The following MEMO1 variants were observed in gnomAD, a reference collection of about 807,000 sequenced individuals.
The protein encoded by MEMO1 is protein MEMO1.
Under a neutral mutation model 45.2 loss-of-function variants are expected in MEMO1, and 6 were observed. That is an observed-to-expected ratio of 0.13 (90% CI 0.07 to 0.26). The LOEUF is 0.26. Among genes scored for constraint, MEMO1 ranks in the 10% least tolerant of loss-of-function variants. The pLI, the probability that MEMO1 is intolerant of heterozygous loss-of-function variation, is 1.00. For missense variants in MEMO1, 184 were observed against 370.5 expected, an observed-to-expected ratio of 0.50 and a Z score of 4.13; for synonymous variants, 78 against 124.3, an observed-to-expected ratio of 0.63 and a Z score of 2.48.
chr2:31,998,683 C>T (rs1672895695), intron 2 of MEMO1, among the ~76,000 whole-genome samples: 2 of 151,888 alleles, frequency 1.3e-5, no homozygotes, highest in Non-Finnish European at 2.9e-5. Context: ...GCCTGTAATC[C>T]CAGCTACTCG....
chr2:31,965,199 G>A (rs928850443), intron 2 of MEMO1, among the ~76,000 whole-genome samples: 2 of 151,206 alleles, frequency 1.3e-5, no homozygotes, highest in African/African-American at 4.9e-5. Context: ...GGCAACAAGG[G>A]CGAAACTCCA....
chr2:31,934,297 A>C (rs1454642196), intron 3 of MEMO1, among the ~76,000 whole-genome samples: 1 of 151,994 alleles, frequency 6.6e-6, no homozygotes, highest in Non-Finnish European at 1.5e-5. Context: ...TCCCCAATCC[A>C]TACTCTGATC....
chr2:32,009,171 C>T (rs1041827675), intron 2 of MEMO1, among the ~76,000 whole-genome samples: 2 of 152,174 alleles, frequency 1.3e-5, no homozygotes, highest in Non-Finnish European at 2.9e-5. Context: ...GTCTAAAATG[C>T]TTTTAGACAG....
chr2:31,936,779 G>A (rs1357824906), intron 3 of MEMO1, among the ~76,000 whole-genome samples: 1 of 152,184 alleles, frequency 6.6e-6, no homozygotes, highest in African/African-American at 2.4e-5. Flanking sequence ...TTCTATGTAA[G>A]GCTTTTCATC....
At chr2:31,967,281 G>A (rs1668746198) in intron 2 of MEMO1, among the ~76,000 whole-genome samples, 1 of 151,826 alleles carries the variant, frequency 6.6e-6, no homozygotes, top group South Asian at 2.1e-4. Flanking sequence ...CCACCACCAC[G>A]CCCGGCTAAT....
intron 2 of MEMO1, among the ~76,000 whole-genome samples, chr2:31,946,029 T>C (rs1169206006): frequency 2.0e-5 from 3 of 152,222 alleles, no homozygotes; most frequent in Non-Finnish European, 2.9e-5. Context: ...ACACGTGTCA[T>C]TCTGGTTTAA....
At chr2:31,939,087 A>G (rs538584907) in intron 3 of MEMO1, among the ~76,000 whole-genome samples, 1 of 144,320 alleles carries the variant, frequency 6.9e-6, no homozygotes, top group East Asian at 2.1e-4. Flanking sequence ...CCCAGTAACA[A>G]TGAAAGATTT....
At chr2:31,975,692 T>A (rs930440195) in intron 2 of MEMO1, among the ~76,000 whole-genome samples, 1 of 152,160 alleles carries the variant, frequency 6.6e-6, no homozygotes, top group Non-Finnish European at 1.5e-5. Flanking sequence ...GATGTCCAAA[T>A]AAGCATTAGT....
intron 7 of MEMO1, among the ~76,000 whole-genome samples, chr2:31,887,042 G>A (rs1443822807): frequency 6.6e-6 from 1 of 152,158 alleles, no homozygotes; most frequent in Non-Finnish European, 1.5e-5. Flanking sequence ...TACTCTTTGA[G>A]GGAAGGAGGG....
chr2:31,945,989 T>A (rs532380530), intron 2 of MEMO1, among the ~76,000 whole-genome samples: 2 of 152,324 alleles, frequency 1.3e-5, no homozygotes, highest in Non-Finnish European at 1.5e-5. Flanking sequence ...TCTTTTGGTC[T>A]TTGCAATCTT....
chr2:31,978,979 C>G (rs1019771517), intron 2 of MEMO1, among the ~76,000 whole-genome samples: 1 of 152,032 alleles, frequency 6.6e-6, no homozygotes, highest in Non-Finnish European at 1.5e-5. Context: ...AAAAAAAAGT[C>G]TTGATGTATT....
At chr2:31,898,974 T>C (rs1294223263) in intron 6 of MEMO1, among the ~76,000 whole-genome samples, 1 of 152,180 alleles carries the variant, frequency 6.6e-6, no homozygotes, top group Non-Finnish European at 1.5e-5. Context: ...AATGGCCTTC[T>C]TTGTCTTTTC....
intron 6 of MEMO1, among the ~76,000 whole-genome samples, chr2:31,895,954 C>T (rs1015854503): frequency 6.6e-6 from 1 of 151,450 alleles, no homozygotes; most frequent in African/African-American, 2.4e-5. Context: ...CACCACTCTC[C>T]TGCCTCAGCC....
chr2:31,928,199 G>A (rs982835529), intron 4 of MEMO1, among the ~76,000 whole-genome samples: 3 of 152,146 alleles, frequency 2.0e-5, no homozygotes, highest in African/African-American at 7.2e-5. Flanking sequence ...CTCAAAAGCT[G>A]CCTCTCACAC....
At chr2:31,962,041 C>T (rs1252940687) in intron 2 of MEMO1, among the ~76,000 whole-genome samples, 4 of 151,908 alleles carry the variant, frequency 2.6e-5, no homozygotes, top group Non-Finnish European at 4.4e-5. Flanking sequence ...AGAGGATAAA[C>T]TCAATTGCGT....
intron 2 of MEMO1, among the ~76,000 whole-genome samples, chr2:31,945,455 C>A (rs557907371): frequency 6.6e-6 from 1 of 152,174 alleles, no homozygotes; most frequent in Non-Finnish European, 1.5e-5. Context: ...GTAGCTGGAT[C>A]AACTTATCCA....
At chr2:31,966,084 C>T (rs1454056561) in intron 2 of MEMO1, among the ~76,000 whole-genome samples, 2 of 152,084 alleles carry the variant, frequency 1.3e-5, no homozygotes, top group African/African-American at 2.4e-5. Context: ...CAACTCTTTC[C>T]ACCCTTTCCT....
intron 6 of MEMO1, among the ~76,000 whole-genome samples, chr2:31,894,576 G>A (rs955494934): frequency 2.0e-5 from 3 of 152,054 alleles, no homozygotes; most frequent in African/African-American, 7.2e-5. Context: ...CTGACTAGGA[G>A]GCTGCACGCA....
At chr2:31,948,486 A>G (rs953829698) in intron 2 of MEMO1, among the ~76,000 whole-genome samples, 5 of 152,260 alleles carry the variant, frequency 3.3e-5, no homozygotes, top group African/African-American at 9.6e-5. Context: ...ATTCTGTGAA[A>G]TATGTTCAAA....
Sources: allele counts gnomAD v4.1 joint callset (sites outside exome capture counted in the v4.1 genomes callset), GRCh38; gene constraint gnomAD v4.1.1; transcripts MANE v1.5; gene names NCBI Gene and HGNC (gene_info 2026-07-23, HGNC 2026-07-21).